UGT2B7: variants seen among roughly 807,000 people sequenced by gnomAD.
UGT2B7 encodes the protein UDP-glucuronosyltransferase 2B7.
Under a neutral mutation model 51.9 loss-of-function variants are expected in UGT2B7, and 51 were observed. That is an observed-to-expected ratio of 0.98 (90% CI 0.78 to 1.24). The LOEUF is 1.24. UGT2B7 is among the 50% of genes most tolerant of loss of function. UGT2B7 has a pLI of 0.00. For missense variants in UGT2B7, 727 were observed against 628.4 expected (o/e 1.16, Z -1.68); for synonymous variants, 225 against 211.6 (o/e 1.06, Z -0.55).
At chr4:69,055,051 T>C (rs1718147350) in intron 1 of UGT2B7, among the ~76,000 whole-genome samples, 2 of 129,520 alleles carry the variant, frequency 1.5e-5, no homozygotes, top group Admixed American at 9.7e-5. Flanking sequence ...AAGCCTCCCA[T>C]GATTAAGGAC....
At position 69,060,929 on chromosome 4, in the gene UGT2B7, C is replaced by G. The variant is rs184416860; in HGVS notation, c.-159+9327C>G. Among the ~76,000 whole-genome samples, 206 of 152,278 alleles carry G rather than the reference C, an allele frequency of 1.4e-3. 1 individual carries two copies. Among genetic ancestry groups the G allele is most frequent in the African/African-American group, 4.8e-3 (200 of 41,550 alleles). Reference sequence around the variant, plus strand: ...CCCATTGAATCAGTGCCAGGAAGCCCCCTTCATTGCTGAGTGGATGTGGTA... The same window carrying G: ...CCCATTGAATCAGTGCCAGGAAGCCGCCTTCATTGCTGAGTGGATGTGGTA... On this transcript the variant is annotated intron_variant, in intron 1 of 5. Transcript: ENST00000502942.
chr4:69,096,643 A>C lies in UGT2B7; in HGVS notation c.123A>C (p.Thr41=). Reference sequence around the variant, plus strand: ...ACAGCCATTGGATGAATATAAAGACAATCCTGGATGAGCTTATTCAGAGAG... The same window carrying C: ...ACAGCCATTGGATGAATATAAAGACCATCCTGGATGAGCTTATTCAGAGAG... ...AEYSHWMNIK[T]ILDELIQRGH... The change falls in exon 1 of 6, where the codon ACA becomes ACC. Residue 41 remains threonine (T), a synonymous_variant. Transcript: ENST00000305231. 6.2e-6 allele frequency: 10 copies of C among 1,614,028 alleles called. No individual in the cohort carries two copies. Among genetic ancestry groups the C allele is most frequent in the Non-Finnish European group, 8.5e-6 (10 of 1,179,922 alleles).
chr4:69,108,022 A>G, intron 4 of UGT2B7, 81 bp from the exon 5 acceptor site: 2 of 1,523,808 alleles, frequency 1.3e-6, no homozygotes, highest in Non-Finnish European at 1.8e-6. Context: ...TAGCTGGAAA[A>G]CACTGTCACT....
At chr4:69,064,078 A>AAGAG (rs1490886987) in intron 1 of UGT2B7, among the ~76,000 whole-genome samples, 4 of 106,058 alleles carry the variant, frequency 3.8e-5, no homozygotes, top group Admixed American at 3.5e-4. Flanking sequence ...GAAAGAAAGA[A>AAGAG]AGAAAGAAAG....
intron 1 of UGT2B7, among the ~76,000 whole-genome samples, chr4:69,088,000 T>C (rs911073014): frequency 6.6e-6 from 1 of 152,062 alleles, no homozygotes; most frequent in Non-Finnish European, 1.5e-5. Context: ...TGTTCCATCA[T>C]TATTTTATTA....
At chr4:69,096,398 T>G, upstream of UGT2B7, 1 of 1,449,650 alleles carries the variant, frequency 6.9e-7, no homozygotes, top group Non-Finnish European at 9.4e-7. Context: ...TTTAATGATA[T>G]TGTATGTACT....
At chr4:69,105,467 G>A (rs1719565567) in intron 3 of UGT2B7, among the ~76,000 whole-genome samples, 1 of 152,148 alleles carries the variant, frequency 6.6e-6, no homozygotes, top group Non-Finnish European at 1.5e-5. Flanking sequence ...TTGCTTGGGA[G>A]TTTCAAAATT....
chr4:69,096,016 C>T (rs982616568), upstream of UGT2B7, among the ~76,000 whole-genome samples: 3 of 152,034 alleles, frequency 2.0e-5, no homozygotes, highest in Non-Finnish European at 4.4e-5. Context: ...AAGGGCTCTC[C>T]AACTGATTGT....
At chr4:69,083,832 ATAATTT>A (rs1355709377) in intron 1 of UGT2B7, among the ~76,000 whole-genome samples, 1 of 147,618 alleles carries the variant, frequency 6.8e-6, no homozygotes, top group African/African-American at 2.5e-5. Flanking sequence ...GCAGAGAGGG[ATAATTT>A]GATTTTCTCC....
chr4:69,103,986 T>C (rs1029254809), intron 3 of UGT2B7, among the ~76,000 whole-genome samples: 7 of 152,232 alleles, frequency 4.6e-5, no homozygotes, highest in Admixed American at 4.6e-4. Context: ...TCCAATCCTG[T>C]GATTAAAAGT....
intron 1 of UGT2B7, among the ~76,000 whole-genome samples, chr4:69,061,890 G>T (rs1340966368): frequency 1.3e-5 from 2 of 152,150 alleles, no homozygotes; most frequent in Non-Finnish European, 1.5e-5. Flanking sequence ...TTTGGTGCTT[G>T]TCTGTACCTT....
At chr4:69,079,483 T>TA (rs1160597860) in intron 1 of UGT2B7, among the ~76,000 whole-genome samples, 3 of 152,166 alleles carry the variant, frequency 2.0e-5, no homozygotes, top group African/African-American at 4.8e-5. Flanking sequence ...TAAAGTATAA[T>TA]AAAAAATATA....
chr4:69,080,911 A>G (rs1048514368), intron 1 of UGT2B7, among the ~76,000 whole-genome samples: 1 of 152,136 alleles, frequency 6.6e-6, no homozygotes, highest in Non-Finnish European at 1.5e-5. Flanking sequence ...TAATGAGTGG[A>G]TTAGGTAAGT....
intron 1 of UGT2B7, among the ~76,000 whole-genome samples, chr4:69,054,011 T>C (rs1718114842): frequency 6.6e-6 from 1 of 152,174 alleles, no homozygotes; most frequent in Admixed American, 6.5e-5. Flanking sequence ...CCGCAAGGAA[T>C]ACCAGATCAA....
At chr4:69,074,168 T>A (rs1718654926) in intron 1 of UGT2B7, among the ~76,000 whole-genome samples, 1 of 152,062 alleles carries the variant, frequency 6.6e-6, no homozygotes, top group Non-Finnish European at 1.5e-5. Context: ...TAATGAGAGC[T>A]CATCACTACC....
intron 1 of UGT2B7, among the ~76,000 whole-genome samples, chr4:69,055,632 A>G (rs997203951): frequency 1.3e-5 from 2 of 152,202 alleles, no homozygotes; most frequent in South Asian, 2.1e-4. Flanking sequence ...AGCCGAACAC[A>G]TAGCCCAGTC....
At chr4:69,085,958 A>G (rs1229422487) in intron 1 of UGT2B7, among the ~76,000 whole-genome samples, 3 of 151,696 alleles carry the variant, frequency 2.0e-5, no homozygotes, top group South Asian at 2.1e-4. Context: ...CGTATTCAAT[A>G]AACCGTTTTG....
intron 3 of UGT2B7, among the ~76,000 whole-genome samples, chr4:69,104,131 G>GA (rs1719518826): frequency 6.6e-6 from 1 of 152,004 alleles, no homozygotes; most frequent in Non-Finnish European, 1.5e-5. Context: ...ACTGAAAATA[G>GA]AAAAAATTAC....
chr4:69,096,430 T>G, upstream of UGT2B7: 1 of 1,583,518 alleles, frequency 6.3e-7, no homozygotes, highest in Non-Finnish European at 8.6e-7. Flanking sequence ...GGGTTACATT[T>G]TAACTTCTTG....
Sources: gnomAD v4.1 joint callset for allele counts (sites outside exome capture counted in the v4.1 genomes callset) on GRCh38, gnomAD v4.1.1 for gene constraint, MANE v1.5 for transcripts, NCBI Gene and HGNC (gene_info 2026-07-23, HGNC 2026-07-21) for gene names.